CLEC4C: variants seen among roughly 807,000 people sequenced by gnomAD.
CLEC4C encodes the protein C-type (calcium dependent, carbohydrate-recognition domain) lectin, superfamily member 11.
In CLEC4C, 17 loss-of-function variants were observed where a neutral mutation model predicts 27.7. The ratio of observed to expected loss-of-function variants is 0.61; its 90% confidence interval spans 0.42 to 0.92. The LOEUF is 0.92. CLEC4C is among the 40% of genes least tolerant of loss of function. The pLI is 0.00. For missense variants in CLEC4C, 244 were observed against 257.3 expected (o/e 0.95, Z 0.35); for synonymous variants, 80 against 80.8 (o/e 0.99, Z 0.06).
upstream of CLEC4C, chr12:7,747,432 G>A (rs1427094802): frequency 1.1e-5 from 16 of 1,419,092 alleles, no homozygotes; most frequent in South Asian, 4.6e-5. Flanking sequence ...TGTTACTTTC[G>A]GGGTGTGGTT....
intron 5 of CLEC4C, among the ~76,000 whole-genome samples, chr12:7,730,562 C>T (rs1864572254): frequency 6.6e-6 from 1 of 151,662 alleles, no homozygotes; most frequent in African/African-American, 2.4e-5. Context: ...ATCACTTGAA[C>T]CCAGGAGGCA....
chr12:7,747,343 C>A lies in CLEC4C; in HGVS notation c.6G>T (p.Val2=). Residue 2 remains valine (V), a synonymous_variant, in exon 1 of 6, where the codon GTG becomes GTT. Coordinates refer to ENST00000360345, the MANE Select transcript of CLEC4C (RefSeq NM_001371390.1). ...CTCGGTCTTGAGGCTCTTCTTCAGG[C>A]ACCATTGTGTGTGCGCACACCCTTT... M[V]PEEEPQDREK... 3 of 1,614,084 alleles carry A rather than the reference C, an allele frequency of 1.9e-6. No individual in the cohort carries two copies. The highest frequency in any genetic ancestry group is 2.5e-6 in the Non-Finnish European group (3 of 1,179,986).
chr12:7,730,240 T>C (rs1864564227), intron 5 of CLEC4C, among the ~76,000 whole-genome samples: 1 of 152,184 alleles, frequency 6.6e-6, no homozygotes, highest in Admixed American at 6.6e-5. Context: ...TCTCAGTTCT[T>C]CTATCTGAAA....
Position 7,729,719 on chromosome 12 carries a change from G to C in CLEC4C, c.519C>G (p.Pro173=). ...ENVTFWHSGE[P]NNLDERCAII... ...TCGCACAACGCTCATCAAGGTTATT[G>C]GGTTCACCTGAGTGCCAGAATCTGA... Residue 173 remains proline, a synonymous_variant, in exon 6 of 6, where the codon CCC becomes CCG. Transcript: ENST00000360345. The C allele has an allele frequency of 1.2e-6, 2 of 1,613,852 alleles. No homozygotes were observed. The highest frequency in any genetic ancestry group is 2.7e-5 in the African/African-American group (2 of 75,016).
In CLEC4C at chr12:7,729,456, A is replaced by G. The variant is rs993506407; in HGVS notation, c.*140T>C. The G allele has an allele frequency of 1.5e-4, 97 of 660,914 alleles. No homozygotes were observed. Among genetic ancestry groups the G allele is most frequent in the Middle Eastern group, 8.2e-4 (2 of 2,442 alleles). The allele number at this position is 660,914 out of a possible 1,614,324, so 40.9% of individuals were successfully genotyped here. On this transcript the variant is annotated 3_prime_UTR_variant, in exon 6 of 6. Coordinates refer to ENST00000360345, the MANE Select transcript of CLEC4C (RefSeq NM_001371390.1). Reference sequence around the variant, plus strand: ...AATGAATGTGTGAATGGATTATATCATAAGTGTAATAGGTGACAGCCTGCT... The same window carrying G: ...AATGAATGTGTGAATGGATTATATCGTAAGTGTAATAGGTGACAGCCTGCT...
chr12:7,734,016 C>A (rs151203053), intron 4 of CLEC4C, among the ~76,000 whole-genome samples: 370 of 152,246 alleles, frequency 2.4e-3, no homozygotes, highest in African/African-American at 8.2e-3. Flanking sequence ...CCTCAGCCAC[C>A]CAAGTATCCG....
intron 2 of CLEC4C, among the ~76,000 whole-genome samples, chr12:7,743,064 G>A (rs1460738781): frequency 2.0e-5 from 3 of 152,062 alleles, no homozygotes; most frequent in Non-Finnish European, 4.4e-5. Flanking sequence ...TCTAGTGAAG[G>A]AATTTCATTG....
chr12:7,747,112 C>T (rs765732825), intron 1 of CLEC4C, among the ~76,000 whole-genome samples: 2 of 152,324 alleles, frequency 1.3e-5, no homozygotes, highest in East Asian at 1.9e-4. Context: ...CGTGAGCCAC[C>T]GCGCCCGCCC....
chr12:7,730,734 A>T, intron 5 of CLEC4C, 63 bp downstream of exon 5: 1 of 791,554 alleles, frequency 1.3e-6, no homozygotes, highest in Non-Finnish European at 2.2e-6. Context: ...TTAATAGCTG[A>T]TGGAACACCC....
Position 7,729,437 on chromosome 12 carries a change from T to C in CLEC4C, c.*159A>G, listed in dbSNP as rs1864536713. On this transcript the variant is annotated 3_prime_UTR_variant, in exon 6 of 6. Coordinates refer to ENST00000360345, the MANE Select transcript of CLEC4C (RefSeq NM_001371390.1). ...ATAAATGAATAAATGAATAAATGAATGTGTGAATGGATTATATCATAAGTG... is the reference window on the plus strand; with the variant it reads ...ATAAATGAATAAATGAATAAATGAACGTGTGAATGGATTATATCATAAGTG... The C allele has an allele frequency of 1.7e-6, 1 of 596,050 alleles. No homozygotes were observed. The highest frequency in any genetic ancestry group is 2.3e-5 in the South Asian group (1 of 43,804). The allele number at this position is 596,050 out of a possible 1,614,324, so 36.9% of individuals were successfully genotyped here.
intron 4 of CLEC4C, among the ~76,000 whole-genome samples, 193 bp from the exon 5 acceptor site, chr12:7,731,105 G>A (rs990269799): frequency 4.6e-5 from 7 of 152,074 alleles, no homozygotes; most frequent in Admixed American, 3.3e-4. Context: ...CACATAGGGA[G>A]GTGGAGGAAA....
chr12:7,741,372 A>C, intron 3 of CLEC4C, 49 bp downstream of exon 3: 1 of 1,015,800 alleles, frequency 9.8e-7, no homozygotes, highest in Non-Finnish European at 1.6e-6. Flanking sequence ...TCAGACTAGG[A>C]ATTTGATTAA....
intron 1 of CLEC4C, among the ~76,000 whole-genome samples, chr12:7,747,048 T>C (rs539008993): frequency 3.3e-5 from 5 of 152,322 alleles, no homozygotes; most frequent in African/African-American, 1.2e-4. Context: ...GGTCTCGAAC[T>C]CCTGACCTCA....
intron 4 of CLEC4C, among the ~76,000 whole-genome samples, chr12:7,734,778 C>T (rs1423344617): frequency 6.6e-6 from 1 of 151,668 alleles, no homozygotes; most frequent in African/African-American, 2.4e-5. Context: ...AAACTCCTGA[C>T]CTGAGGTGAT....
rs1025117428 is a variant in CLEC4C, at chr12:7,746,320, C to G, written c.124+11G>C. ...GACCAAGAGATGACTGCACTCCAGCCAAGAACTTACCCACAGAACTCACAG... is the reference window on the plus strand; with the variant it reads ...GACCAAGAGATGACTGCACTCCAGCGAAGAACTTACCCACAGAACTCACAG... On this transcript the variant is annotated intron_variant, in intron 2 of 5. Coordinates refer to ENST00000360345, the MANE Select transcript of CLEC4C (RefSeq NM_001371390.1). 11 of 1,586,526 alleles carry G rather than the reference C, an allele frequency of 6.9e-6. No homozygotes were observed. Among genetic ancestry groups the G allele is most frequent in the Non-Finnish European group, 8.7e-6 (10 of 1,155,596 alleles).
At chr12:7,737,805 T>G (rs1206250034) in intron 3 of CLEC4C, among the ~76,000 whole-genome samples, 2 of 152,164 alleles carry the variant, frequency 1.3e-5, no homozygotes, top group Non-Finnish European at 2.9e-5. Context: ...TCAGGCTTTT[T>G]GGGCCATACG....
chr12:7,730,044 T>G (rs917456278), intron 5 of CLEC4C, among the ~76,000 whole-genome samples: 4 of 152,168 alleles, frequency 2.6e-5, no homozygotes, highest in African/African-American at 7.2e-5. Context: ...AGTTTAGCCA[T>G]CCCTATGTCC....
intron 4 of CLEC4C, among the ~76,000 whole-genome samples, chr12:7,735,491 A>G (rs199831245): frequency 1.5e-5 from 2 of 132,806 alleles, no homozygotes; most frequent in East Asian, 5.1e-4. Flanking sequence ...CGATAGAACA[A>G]GACTCTGTCT....
Position 7,729,434 on chromosome 12 carries a change from G to GAATAAATT in CLEC4C, c.*161_*162insAATTTATT. On this transcript the variant is annotated 3_prime_UTR_variant, in exon 6 of 6. Transcript: ENST00000360345. ...TGAATAAATGAATAAATGAATAAAT[G>GAATAAATT]AATGTGTGAATGGATTATATCATAA... 1 of 588,644 alleles carries GAATAAATT rather than the reference G, an allele frequency of 1.7e-6. No homozygotes were observed. 36.5% of individuals were successfully genotyped at this position (588,644 alleles called of 1,614,324 possible).
Sources: allele counts gnomAD v4.1 joint callset (sites outside exome capture counted in the v4.1 genomes callset), GRCh38; gene constraint gnomAD v4.1.1; transcripts MANE v1.5; gene names NCBI Gene and HGNC (gene_info 2026-07-23, HGNC 2026-07-21).